The following RASSF5 variants were observed in gnomAD, a reference collection of about 807,000 sequenced individuals.
RASSF5 encodes ras association domain-containing protein 5.
A neutral mutation model predicts 40.5 loss-of-function variants in RASSF5; 25 were observed. The ratio of observed to expected loss-of-function variants is 0.62; its 90% CI spans 0.45 to 0.86. RASSF5 has a LOEUF of 0.86. RASSF5 is among the 40% of genes least tolerant of loss of function. The pLI is 0.00. For synonymous variants in RASSF5, 246 were observed against 252.4 expected (o/e 0.97, Z 0.24); for missense variants, 521 against 572.8 (o/e 0.91, Z 0.92).
chr1:206,509,810 T>C (rs1666569511), intron 1 of RASSF5, among the ~76,000 whole-genome samples: 1 of 152,166 alleles, frequency 6.6e-6, no homozygotes, highest in Non-Finnish European at 1.5e-5. Context: ...CTAAATGAAT[T>C]GATCCTTACG....
chr1:206,579,256 T>G lies in RASSF5; in HGVS notation c.580-4013T>G, dbSNP rs191837580. On this transcript the variant is annotated intron_variant, in intron 2 of 5. Coordinates refer to ENST00000579436, the MANE Select transcript of RASSF5 (RefSeq NM_182663.4). This position sits in a 1 kb window ranked among gnomAD's most constrained non-coding sequence, Gnocchi z 4.2. ...CGGAATAGATGAATTCCATGCCAGA[T>G]GCACTGAGATGTGTGAGCCCCCAGG... Among the ~76,000 whole-genome samples the G allele has an allele frequency of 6.6e-6, 1 of 152,240 alleles. No individual in the cohort carries two copies. Among genetic ancestry groups the G allele is most frequent in the Admixed American group, 6.5e-5 (1 of 15,284 alleles).
intron 2 of RASSF5, among the ~76,000 whole-genome samples, chr1:206,569,505 T>C (rs112564216): frequency 3.9e-5 from 6 of 152,368 alleles, no homozygotes; most frequent in African/African-American, 1.2e-4. Context: ...GGAAGAAGCC[T>C]TGGCTGCATT....
intron 1 of RASSF5, among the ~76,000 whole-genome samples, chr1:206,514,731 A>G (rs1206579172): frequency 1.3e-5 from 2 of 152,192 alleles, no homozygotes; most frequent in African/African-American, 4.8e-5. Context: ...AAATCCTTTT[A>G]TGTTTTGTTT....
At chr1:206,585,540 T>C in intron 5 of RASSF5, 1 of 351,610 alleles carries the variant, frequency 2.8e-6, no homozygotes, top group Non-Finnish European at 5.2e-6. Flanking sequence ...AAGGATTTCA[T>C]GTGCTTTATT....
intron 1 of RASSF5, among the ~76,000 whole-genome samples, chr1:206,517,673 A>C (rs571073972): frequency 6.6e-6 from 1 of 152,152 alleles, no homozygotes; most frequent in Non-Finnish European, 1.5e-5. Flanking sequence ...CTTTTCTACT[A>C]GGGCTTGGCA....
At chr1:206,548,921 A>C (rs150386655) in intron 2 of RASSF5, among the ~76,000 whole-genome samples, 2 of 152,190 alleles carry the variant, frequency 1.3e-5, no homozygotes, top group East Asian at 3.9e-4. Flanking sequence ...GCTGGAGTGC[A>C]ATGGCGCGTT....
intron 2 of RASSF5, among the ~76,000 whole-genome samples, chr1:206,577,645 C>T (rs1668705532): frequency 6.6e-6 from 1 of 152,200 alleles, no homozygotes; most frequent in Admixed American, 6.5e-5. Flanking sequence ...GCACTGGGAT[C>T]TGGGACACCA....
At chr1:206,542,647 C>G (rs1310810173) in intron 2 of RASSF5, 1 of 152,262 alleles carries the variant, frequency 6.6e-6, no homozygotes, top group African/African-American at 2.4e-5. Context: ...CTCCCATGGC[C>G]GTTCCCAGAC....
Position 206,507,802 on chromosome 1 carries a change from G to C in RASSF5, c.200G>C (p.Arg67Pro), listed in dbSNP as rs1553394014. 3 of 1,396,016 alleles carry C rather than the reference G, an allele frequency of 2.1e-6. No individual in the cohort carries two copies. The highest frequency in any genetic ancestry group is 3.5e-5 in the Admixed American group (1 of 28,546). 86.5% of individuals were successfully genotyped at this position (1,396,016 alleles called of 1,614,324 possible). Residue 67 changes from arginine to proline, a missense_variant, in exon 1 of 6, where the codon CGG becomes CCG. Physicochemically the swap from Arg to Pro is moderately radical, Grantham distance 103. This residue lies in a region of RASSF5 where 237 missense variants were observed against 212.0 expected (regional missense o/e 1.12). Coordinates refer to ENST00000579436, the MANE Select transcript of RASSF5 (RefSeq NM_182663.4). ...REGRSARRAA[R>P]GNLEPPPRAS... ...GGGCGCAGCGCCCGGAGGGCTGCCC[G>C]GGGGAACCTGGAGCCCCCGCCCCGG...
rs2103496274 is a variant in RASSF5, at chr1:206,507,731, CCT to C, written c.132_133del (p.Val46ProfsTer92). ...CGCCGCCCCCCGACCGGTCCTCGCG[CCT>C]CTGTGTCCCGGCGCCCCTCTCCACT... ...PPPPPDRSSR[L>X]CVPAPLSTAP... On this transcript the variant is annotated frameshift_variant, in exon 1 of 6. Transcript: ENST00000579436. LOFTEE classifies it high-confidence loss of function. 1.4e-6 allele frequency: 2 copies of C among 1,478,326 alleles called. No homozygotes were observed. Among genetic ancestry groups the C allele is most frequent in the South Asian group, 1.3e-5 (1 of 77,932 alleles). The allele number at this position is 1,478,326 out of a possible 1,614,324, so 91.6% of individuals were successfully genotyped here. A position where few individuals can be genotyped will look rare whatever the true frequency, so the allele number is the denominator to read the frequency against.
intron 2 of RASSF5, among the ~76,000 whole-genome samples, chr1:206,547,440 T>C (rs1422594606): frequency 6.6e-6 from 1 of 151,878 alleles, no homozygotes; most frequent in Non-Finnish European, 1.5e-5. Context: ...GAACTGCGCA[T>C]GCGAGGGATC....
intron 2 of RASSF5, among the ~76,000 whole-genome samples, chr1:206,559,578 CTT>C (rs1231083322): frequency 2.0e-5 from 3 of 152,180 alleles, no homozygotes; most frequent in African/African-American, 7.2e-5. Context: ...ACTTCCTGTA[CTT>C]TGTGTCTTGA....
At chr1:206,561,219 G>A (rs995795884) in intron 2 of RASSF5, among the ~76,000 whole-genome samples, 17 of 152,198 alleles carry the variant, frequency 1.1e-4, no homozygotes, top group African/African-American at 3.6e-4. Context: ...GTGGAAGGAC[G>A]TCACTAGGCC....
Position 206,507,848 on chromosome 1 carries a change from G to A in RASSF5, c.246G>A (p.Pro82=). 6.9e-7 allele frequency: 1 copy of A among 1,456,992 alleles called. No individual in the cohort carries two copies. The highest frequency in any genetic ancestry group is 9.0e-7 in the Non-Finnish European group (1 of 1,110,908). 90.3% of individuals were successfully genotyped at this position (1,456,992 alleles called of 1,614,324 possible). A position where few individuals can be genotyped will look rare whatever the true frequency, so the allele number is the denominator to read the frequency against. The part of the protein sequence containing the change: ...PPPRASRPAR[P]LRPGLQQRLR... ...CCCGGGCCTCCCGACCCGCTCGCCC[G>A]CTCCGGCCTGGTCTGCAGCAGAGAC... The change falls in exon 1 of 6, where the codon CCG becomes CCA. Residue 82 remains proline (P), a synonymous_variant. Coordinates refer to ENST00000579436, the MANE Select transcript of RASSF5 (RefSeq NM_182663.4).
chr1:206,551,746 C>G (rs1418464457), intron 2 of RASSF5, among the ~76,000 whole-genome samples: 2 of 152,230 alleles, frequency 1.3e-5, no homozygotes, highest in African/African-American at 4.8e-5. Context: ...CCCTTTTACC[C>G]TAGAAGCAGT....
chr1:206,572,908 C>T (rs559926863), intron 2 of RASSF5, among the ~76,000 whole-genome samples: 15 of 152,110 alleles, frequency 9.9e-5, no homozygotes, highest in East Asian at 9.7e-4. Context: ...AAGGGCCTAT[C>T]GGGAATCAAG....
chr1:206,523,982 A>G (rs1667013303), intron 1 of RASSF5, among the ~76,000 whole-genome samples: 2 of 119,504 alleles, frequency 1.7e-5, no homozygotes, highest in African/African-American at 3.4e-5. Context: ...TATTTTATAT[A>G]TAATATGTAT....
intron 2 of RASSF5, among the ~76,000 whole-genome samples, chr1:206,569,998 C>T (rs1227028573): frequency 6.6e-6 from 1 of 151,990 alleles, no homozygotes; most frequent in Non-Finnish European, 1.5e-5. Context: ...CAGATAAAAC[C>T]AGCCAGTGAC....
At chr1:206,569,906 T>A (rs116741228) in intron 2 of RASSF5, among the ~76,000 whole-genome samples, 5,085 of 152,208 alleles carry the variant, frequency 0.033, 103 homozygotes, top group Admixed American at 0.047. Context: ...CTTGGCGTGA[T>A]GGAGGCCCAG....
Sources: gnomAD v4.1 joint callset for allele counts (sites outside exome capture counted in the v4.1 genomes callset) on GRCh38, gnomAD v4.1.1 for gene constraint, gnomAD v4.1.1 regional missense constraint, Gnocchi (gnomAD v3.1) non-coding constraint, MANE v1.5 for transcripts, NCBI Gene and HGNC (gene_info 2026-07-23, HGNC 2026-07-21) for gene names.